TMTC2: variants seen among roughly 807,000 people sequenced by gnomAD.
TMTC2 encodes transmembrane O-mannosyltransferase targeting cadherins 2, also known as protein O-mannosyl-transferase TMTC2.
Under a neutral mutation model 82.4 loss-of-function variants are expected in TMTC2, and 43 were observed. That is an observed-to-expected ratio of 0.52 (90% CI 0.41 to 0.67). The LOEUF (loss-of-function observed/expected upper bound fraction) is 0.67, where lower values mean the gene tolerates loss of function less well. Among genes scored for constraint, TMTC2 ranks in the 30% least tolerant of loss-of-function variants. The pLI is 0.00. For synonymous variants in TMTC2, 408 were observed against 381.9 expected (o/e 1.07, Z -0.80); for missense variants, 919 against 1,012.4 (o/e 0.91, Z 1.25).
chr12:83,119,345 C>T (rs1884871334), intron 11 of TMTC2, among the ~76,000 whole-genome samples: 1 of 152,068 alleles, frequency 6.6e-6, no homozygotes, highest in African/African-American at 2.4e-5. Flanking sequence ...GGTTGTGTCA[C>T]TATTGTCATT....
At chr12:82,795,115 G>A (rs928377977) in intron 1 of TMTC2, among the ~76,000 whole-genome samples, 2 of 151,976 alleles carry the variant, frequency 1.3e-5, no homozygotes, top group Non-Finnish European at 1.5e-5. Context: ...GACCAGCGTG[G>A]CCAACATGGT....
intron 1 of TMTC2, among the ~76,000 whole-genome samples, chr12:82,773,753 C>T (rs571929347): frequency 7.9e-5 from 12 of 152,270 alleles, no homozygotes; most frequent in African/African-American, 2.9e-4. Flanking sequence ...GCCACCACAC[C>T]TAGCCACTGA....
chr12:82,761,956 CTTTCCCTTTCCTT>C (rs1489060381), intron 1 of TMTC2, among the ~76,000 whole-genome samples: 1 of 116,780 alleles, frequency 8.6e-6, no homozygotes. Flanking sequence ...CTTTCCTTTC[CTTTCCCTTTCCTT>C]TTTTTTTTTT....
Position 82,856,996 on chromosome 12 carries a change from G to T in TMTC2, c.84-14G>T, listed in dbSNP as rs1482749979. 1.9e-6 allele frequency: 3 copies of T among 1,580,810 alleles called. No homozygotes were observed. The South Asian group carries it at 3.5e-5, about 18-fold the overall frequency. On this transcript the variant is annotated splice_polypyrimidine_tract_variant and intron_variant, in intron 1 of 11. Transcript: ENST00000321196. The stretch of plus-strand genomic sequence containing the variant: ...TGTTTTACATTTGATTTTTTTTAAC[G>T]TTTTGTTTTTTAGCCGTGCTATCAA...
chr12:83,003,765 G>A (rs145258828), intron 8 of TMTC2, among the ~76,000 whole-genome samples: 29 of 152,056 alleles, frequency 1.9e-4, no homozygotes, highest in African/African-American at 6.0e-4. Flanking sequence ...GGCTTGTAAC[G>A]TTACTGCTGA....
At chr12:83,012,689 C>CTCTG (rs2137389268) in intron 8 of TMTC2, among the ~76,000 whole-genome samples, 1 of 152,150 alleles carries the variant, frequency 6.6e-6, no homozygotes, top group East Asian at 1.9e-4. Flanking sequence ...ATGTGTTTTG[C>CTCTG]TCTGATAGTC....
chr12:82,861,533 T>C (rs947073421), intron 2 of TMTC2, among the ~76,000 whole-genome samples: 1 of 152,258 alleles, frequency 6.6e-6, no homozygotes, highest in African/African-American at 2.4e-5. Flanking sequence ...GTTATATTTT[T>C]ATTTGATAAA....
intron 1 of TMTC2, among the ~76,000 whole-genome samples, chr12:82,797,848 T>C (rs1270162153): frequency 1.3e-5 from 2 of 151,906 alleles, no homozygotes; most frequent in Non-Finnish European, 2.9e-5. Flanking sequence ...TTATAATTCC[T>C]AGGTACCATG....
chr12:82,712,291 G>A (rs900916513), intron 1 of TMTC2, among the ~76,000 whole-genome samples: 10 of 152,098 alleles, frequency 6.6e-5, no homozygotes, highest in African/African-American at 1.7e-4. Flanking sequence ...TTAGCTGGGC[G>A]TGGTGGCACG....
intron 7 of TMTC2, among the ~76,000 whole-genome samples, chr12:82,969,869 A>G (rs1878373412): frequency 2.9e-5 from 2 of 69,138 alleles, no homozygotes; most frequent in East Asian, 2.6e-3. Flanking sequence ...TGAATTACAA[A>G]CATACATAAA....
chr12:82,904,584 G>T (rs1348659291), intron 3 of TMTC2, among the ~76,000 whole-genome samples: 1 of 152,170 alleles, frequency 6.6e-6, no homozygotes, highest in Non-Finnish European at 1.5e-5. Flanking sequence ...GTAGTTTGCT[G>T]ATTTCACAAT....
At position 82,687,405 on chromosome 12, in the gene TMTC2, G is replaced by T. The variant is rs530012820; in HGVS notation, c.-182G>T. The T allele has an allele frequency of 2.1e-5, 13 of 617,468 alleles. No homozygotes were observed. The East Asian group carries it at 2.5e-4, about 12-fold the overall frequency. 38.2% of individuals were successfully genotyped at this position (617,468 alleles called of 1,614,324 possible). A position where few individuals can be genotyped will look rare whatever the true frequency, so the allele number is the denominator to read the frequency against. ...GGGAGGACGCAGGAGCTGCGGAGAC[G>T]GGCGCGAGGAGGAGGAGAGGAGTCG... is the stretch of plus-strand genomic sequence containing the variant. On this transcript the variant is annotated 5_prime_UTR_variant, in exon 1 of 12. Transcript: ENST00000321196.
At chr12:83,014,934 G>T (rs956040855) in intron 8 of TMTC2, among the ~76,000 whole-genome samples, 2 of 152,046 alleles carry the variant, frequency 1.3e-5, no homozygotes, top group African/African-American at 4.8e-5. Flanking sequence ...TCATTGAGAG[G>T]TATGATATTA....
rs1345181711 is a variant in TMTC2 at position 82,844,803 on chromosome 12, A to G, written c.84-12207A>G. On this transcript the variant is annotated intron_variant, in intron 1 of 11. Coordinates refer to ENST00000321196, the MANE Select transcript of TMTC2 (RefSeq NM_152588.3). ...GGCGATAGAGTGAGACTCCGTCTCA[A>G]AAAAAAAAAAGAATCTAGTGTTCCA... Among the ~76,000 whole-genome samples, 2 of 149,298 alleles carry G rather than the reference A, an allele frequency of 1.3e-5. 1 individual carries two copies. Among genetic ancestry groups the G allele is most frequent in the Non-Finnish European group, 3.0e-5 (2 of 66,958 alleles).
At chr12:82,767,500 T>A (rs917435765) in intron 1 of TMTC2, among the ~76,000 whole-genome samples, 2 of 152,028 alleles carry the variant, frequency 1.3e-5, no homozygotes, top group Non-Finnish European at 2.9e-5. Context: ...GGTGGGAGGA[T>A]CACTTGACCC....
intron 11 of TMTC2, among the ~76,000 whole-genome samples, chr12:83,108,773 C>T (rs1263423434): frequency 2.0e-5 from 3 of 151,970 alleles, no homozygotes; most frequent in Admixed American, 6.6e-5. Flanking sequence ...TGAAGGTCCC[C>T]GAACTATAAG....
At chr12:83,079,615 G>A (rs927235450) in intron 11 of TMTC2, among the ~76,000 whole-genome samples, 1 of 152,042 alleles carries the variant, frequency 6.6e-6, no homozygotes, top group African/African-American at 2.4e-5. Context: ...CAGCAATAAC[G>A]AATAAATATA....
chr12:83,064,722 G>A (rs913728301), intron 11 of TMTC2, among the ~76,000 whole-genome samples: 1 of 151,880 alleles, frequency 6.6e-6, no homozygotes, highest in African/African-American at 2.4e-5. Context: ...TTTCTGTTCT[G>A]AAATGAAGAG....
At chr12:82,919,049 C>A (rs1322633311) in intron 3 of TMTC2, among the ~76,000 whole-genome samples, 1 of 152,230 alleles carries the variant, frequency 6.6e-6, no homozygotes. Flanking sequence ...AGCCACCACA[C>A]CCAGCCTCTT....
Sources: gnomAD v4.1 joint callset for allele counts (sites outside exome capture counted in the v4.1 genomes callset) on GRCh38, gnomAD v4.1.1 for gene constraint, MANE v1.5 for transcripts, NCBI Gene and HGNC (gene_info 2026-07-23, HGNC 2026-07-21) for gene names.